RABGEF1: variants seen among roughly 807,000 people sequenced by gnomAD.
RABGEF1 encodes RAB guanine nucleotide exchange factor 1, also known as rab5 GDP/GTP exchange factor.
RABGEF1 carries 26 observed loss-of-function variants against 57.3 expected under a neutral mutation model. The ratio of observed to expected loss-of-function variants is 0.45; its 90% CI spans 0.33 to 0.63. The LOEUF (loss-of-function observed/expected upper bound fraction) is 0.63. RABGEF1 is among the 20% of genes least tolerant of loss of function. The pLI is 0.02. For missense variants in RABGEF1, 464 were observed against 607.6 expected, an observed-to-expected ratio of 0.76 and a Z score of 2.48; for synonymous variants, 185 against 210.7, an observed-to-expected ratio of 0.88 and a Z score of 1.06.
chr7:66,699,704 C>A (rs200599982), intron 1 of RABGEF1, among the ~76,000 whole-genome samples: 3 of 138,042 alleles, frequency 2.2e-5, no homozygotes, highest in South Asian at 2.4e-4. Flanking sequence ...AAAAAAAAAA[C>A]AAAACTGGTG....
rs545055892 is a variant in RABGEF1 at position 66,685,153 on chromosome 7, C to CTT, written c.-873+2914_-873+2915dup. 7.2e-3 allele frequency among the ~76,000 whole-genome samples: 728 copies of CTT among 101,090 alleles called. 27 individuals are homozygous for CTT. The highest frequency in any genetic ancestry group is 0.018 in the East Asian group (59 of 3,246). 66.3% of individuals were successfully genotyped at this position (101,090 alleles called of 152,430 possible). On this transcript the variant is annotated intron_variant and NMD_transcript_variant, in intron 1 of 9. Transcript: ENST00000607882. Reference sequence around the variant, plus strand: ...TTTCAGTATAGTGCTGGATTATTTGCTTTTTTTTTTTTTTTTTTTTGAGAT... The same window carrying CTT: ...TTTCAGTATAGTGCTGGATTATTTGCTTTTTTTTTTTTTTTTTTTTTTGAGAT...
At chr7:66,703,308 A>G (rs550549314) in intron 1 of RABGEF1, among the ~76,000 whole-genome samples, 7 of 152,262 alleles carry the variant, frequency 4.6e-5, no homozygotes, top group East Asian at 1.9e-4. Flanking sequence ...AGTTCAACCT[A>G]TCTATTTTTT....
At chr7:66,668,282 A>G in the RABGEF1 span, among the ~76,000 whole-genome samples, 677 of 152,198 alleles carry the variant, frequency 4.4e-3, 5 homozygotes, top group Admixed American at 0.019. Context: ...TTGTTTTTAG[A>G]AATGGGGTCT....
upstream of RABGEF1, among the ~76,000 whole-genome samples, chr7:66,679,298 C>T (rs539496569): frequency 2.0e-5 from 3 of 152,122 alleles, no homozygotes; most frequent in African/African-American, 2.4e-5. Flanking sequence ...AAGCTGCAAG[C>T]TTCTTGGTTG....
chr7:66,787,369 A>T (rs1312760359), intron 4 of RABGEF1, among the ~76,000 whole-genome samples: 1 of 117,850 alleles, frequency 8.5e-6, no homozygotes, highest in East Asian at 2.6e-4. Flanking sequence ...TTTAAGATAG[A>T]GTCTTGCTCT....
At chr7:66,773,759 G>A (rs1209723503) in intron 2 of RABGEF1, 3 of 453,404 alleles carry the variant, frequency 6.6e-6, no homozygotes, top group South Asian at 4.7e-5. Context: ...TCTGCTTCCT[G>A]GGCTCAAGTG....
intron 2 of RABGEF1, among the ~76,000 whole-genome samples, chr7:66,725,949 T>C (rs1796537805): frequency 1.3e-5 from 2 of 151,954 alleles, no homozygotes; most frequent in Non-Finnish European, 2.9e-5. Context: ...AGGAGAGATG[T>C]GATCCCACTT....
the RABGEF1 span, among the ~76,000 whole-genome samples, chr7:66,663,841 A>G: frequency 1.3e-5 from 2 of 152,188 alleles, no homozygotes; most frequent in Non-Finnish European, 2.9e-5. Context: ...TGGGAGGCCA[A>G]GGTGAGTGGA....
chr7:66,782,347 C>A (rs866792056), intron 3 of RABGEF1, among the ~76,000 whole-genome samples: 1 of 151,948 alleles, frequency 6.6e-6, no homozygotes, highest in African/African-American at 2.4e-5. Context: ...TTTCAGACAA[C>A]TTTTGTTACT....
At chr7:66,700,713 C>T (rs1002981033) in intron 1 of RABGEF1, among the ~76,000 whole-genome samples, 1 of 152,238 alleles carries the variant, frequency 6.6e-6, no homozygotes, top group African/African-American at 2.4e-5. Context: ...AAGCCGTGCC[C>T]TCTGACCTCC....
chr7:66,713,948 A>G (rs1209050374), intron 2 of RABGEF1, among the ~76,000 whole-genome samples: 1 of 152,142 alleles, frequency 6.6e-6, no homozygotes, highest in Non-Finnish European at 1.5e-5. Flanking sequence ...ACTGTTTTAT[A>G]TATTGGTGCA....
intron 5 of RABGEF1, 132 bp downstream of exon 5, chr7:66,795,724 G>T: frequency 2.4e-6 from 2 of 820,804 alleles, no homozygotes; most frequent in Non-Finnish European, 4.1e-6. Context: ...TGGACATTCT[G>T]GGAACTGGTC....
intron 1 of RABGEF1, among the ~76,000 whole-genome samples, chr7:66,707,670 A>G (rs540206274): frequency 4.6e-5 from 7 of 152,184 alleles, no homozygotes; most frequent in Non-Finnish European, 8.8e-5. Context: ...ACTGGGCAAA[A>G]GAGCAAGACT....
chr7:66,733,372 G>A (rs1010795622), intron 2 of RABGEF1, among the ~76,000 whole-genome samples: 10 of 152,110 alleles, frequency 6.6e-5, no homozygotes, highest in African/African-American at 2.4e-4. Flanking sequence ...TGGGGGCACC[G>A]ATTTGGGTCT....
At chr7:66,778,362 G>C (rs946994489) in intron 3 of RABGEF1, among the ~76,000 whole-genome samples, 2 of 152,320 alleles carry the variant, frequency 1.3e-5, no homozygotes, top group East Asian at 3.9e-4. Flanking sequence ...CGCCTTCAGA[G>C]AAAGTAAATG....
At chr7:66,681,084 A>G (rs1427710446), upstream of RABGEF1, among the ~76,000 whole-genome samples, 1 of 152,210 alleles carries the variant, frequency 6.6e-6, no homozygotes, top group Non-Finnish European at 1.5e-5. Flanking sequence ...CTGTCTCAAA[A>G]AAGAAAAAAA....
chr7:66,657,058 T>C, the RABGEF1 span, among the ~76,000 whole-genome samples: 6 of 152,184 alleles, frequency 3.9e-5, no homozygotes, highest in East Asian at 3.8e-4. Context: ...AGGATGATCA[T>C]TGGAGACCTC....
At chr7:66,805,102 C>A (rs1263181427) in intron 7 of RABGEF1, 38 bp from the exon 8 acceptor site, 1 of 1,543,486 alleles carries the variant, frequency 6.5e-7, no homozygotes, top group Non-Finnish European at 8.9e-7. Flanking sequence ...TTTTGTGATT[C>A]TTTTCTCCTG....
At chr7:66,767,069 C>T (rs180693653) in intron 1 of RABGEF1, among the ~76,000 whole-genome samples, 1 of 139,502 alleles carries the variant, frequency 7.2e-6, no homozygotes, top group African/African-American at 2.7e-5. Flanking sequence ...ATGGCATGAT[C>T]TTGGCTCACT....
Sources: allele counts gnomAD v4.1 joint callset (sites outside exome capture counted in the v4.1 genomes callset), GRCh38; gene constraint gnomAD v4.1.1; transcripts MANE v1.5; gene names NCBI Gene and HGNC (gene_info 2026-07-23, HGNC 2026-07-21).